The following HSD17B13 variants were observed in gnomAD, a reference collection of about 807,000 sequenced individuals.
The protein encoded by HSD17B13 is 17-beta-hydroxysteroid dehydrogenase 13.
Under a neutral mutation model 31.1 loss-of-function variants are expected in HSD17B13, and 26 were observed. That is an observed-to-expected ratio of 0.84 (90% CI 0.61 to 1.16). The LOEUF (loss-of-function observed/expected upper bound fraction) is 1.16. HSD17B13 is among the 50% of genes most tolerant of loss of function. HSD17B13 has a pLI of 0.00. For missense variants in HSD17B13, 374 were observed against 366.5 expected (o/e 1.02, Z -0.17); for synonymous variants, 141 against 133.7 (o/e 1.05, Z -0.38).
intron 6 of HSD17B13, among the ~76,000 whole-genome samples, chr4:87,306,905 T>C (rs1578435700): frequency 4.5e-5 from 2 of 44,286 alleles, no homozygotes; most frequent in Admixed American, 2.7e-4. Context: ...AGACCCAATC[T>C]AAAAAAAAAA....
chr4:87,319,174 T>C (rs1006670722), intron 1 of HSD17B13, among the ~76,000 whole-genome samples: 4 of 152,132 alleles, frequency 2.6e-5, no homozygotes, highest in Non-Finnish European at 5.9e-5. Flanking sequence ...AGAGTGGGAC[T>C]TCGTCTCAAA....
chr4:87,312,770 A>AT (rs1179259844), intron 5 of HSD17B13, among the ~76,000 whole-genome samples: 3 of 151,234 alleles, frequency 2.0e-5, no homozygotes, highest in Admixed American at 6.6e-5. Context: ...TTAAAAACTT[A>AT]TTTTTTTGGC....
At chr4:87,313,755 C>A in intron 5 of HSD17B13, 68 bp downstream of exon 5, 1 of 1,343,550 alleles carries the variant, frequency 7.4e-7, no homozygotes, top group Non-Finnish European at 1.0e-6. Context: ...CCTGCCTAAA[C>A]ATTTCTCATT....
rs181621569 is a variant in HSD17B13 at position 87,312,708 on chromosome 4, T to A, written c.695+1115A>T. 4.1e-3 allele frequency among the ~76,000 whole-genome samples: 617 copies of A among 151,558 alleles called. 4 individuals carry two copies. Among genetic ancestry groups the A allele is most frequent in the African/African-American group, 0.014 (581 of 41,418 alleles). Reference sequence around the variant, plus strand: ...CCACGCCCGGCTAATTTTTTTGTGTTTTTTAGTAGAGACGGGGTTTCACTG... The same window carrying A: ...CCACGCCCGGCTAATTTTTTTGTGTATTTTAGTAGAGACGGGGTTTCACTG... On this transcript the variant is annotated intron_variant, in intron 5 of 6. Transcript: ENST00000328546.
intron 3 of HSD17B13, among the ~76,000 whole-genome samples, chr4:87,316,817 C>A (rs115151963): frequency 1.3e-5 from 2 of 152,180 alleles, no homozygotes; most frequent in South Asian, 4.1e-4. Flanking sequence ...CCTCCACAAA[C>A]ATTTGTTGAG....
Position 87,321,836 on chromosome 4 carries a change from G to T in HSD17B13, c.210+796C>A, listed in dbSNP as rs1262840722. 3.3e-5 allele frequency among the ~76,000 whole-genome samples: 5 copies of T among 152,312 alleles called. No individual in the cohort carries two copies. In the East Asian group the frequency reaches 9.6e-4, roughly 29 times the overall value. On this transcript the variant is annotated intron_variant, in intron 1 of 6. Coordinates refer to ENST00000328546, the MANE Select transcript of HSD17B13 (RefSeq NM_178135.5). ...GTAATTAAAACCACTGTAATTTGCA[G>T]AAAATGTGATTCTCAAGGAGTACTT...
intron 6 of HSD17B13, among the ~76,000 whole-genome samples, chr4:87,308,720 C>A (rs1481008302): frequency 6.7e-6 from 1 of 149,870 alleles, no homozygotes; most frequent in Non-Finnish European, 1.5e-5. Flanking sequence ...ATAAATAAGA[C>A]ATTCTAAAGA....
At chr4:87,321,205 T>A (rs1734780068) in intron 1 of HSD17B13, among the ~76,000 whole-genome samples, 1 of 152,074 alleles carries the variant, frequency 6.6e-6, no homozygotes, top group African/African-American at 2.4e-5. Context: ...AATTTTTGTA[T>A]TTTTTGTAGA....
intron 6 of HSD17B13, among the ~76,000 whole-genome samples, chr4:87,306,226 CTCTTA>C (rs1734385792): frequency 6.6e-6 from 1 of 152,164 alleles, no homozygotes; most frequent in African/African-American, 2.4e-5. Flanking sequence ...TCTTCTCACT[CTCTTA>C]TCTGATATGA....
rs1177442371 is a variant in HSD17B13, at chr4:87,318,346, A to C, written c.301T>G (p.Tyr101Asp). ...VVDCSNREEI[Y>D]RSLNQVKKEV... Reference sequence around the variant, plus strand: ...AGTCTCACCTGATTTAGAGAGCGATAGATCTCTTCTCTGTTGCTGCAGTCT... The same window carrying C: ...AGTCTCACCTGATTTAGAGAGCGATCGATCTCTTCTCTGTTGCTGCAGTCT... The change falls in exon 2 of 7, where the codon TAT becomes GAT. Residue 101 changes from tyrosine to aspartate, a missense_variant. Transcript: ENST00000328546. The C allele has an allele frequency of 1.2e-6, 2 of 1,613,290 alleles. No homozygotes were observed. Among genetic ancestry groups the C allele is most frequent in the South Asian group, 2.2e-5 (2 of 91,062 alleles).
At chr4:87,318,519 G>T (rs1734710991) in intron 1 of HSD17B13, 83 bp from the exon 2 acceptor site, 1 of 1,140,990 alleles carries the variant, frequency 8.8e-7, no homozygotes, top group Non-Finnish European at 1.3e-6. Context: ...TTAACATTCG[G>T]CTAGGCGCGG....
At chr4:87,308,482 T>C (rs1174410868) in intron 6 of HSD17B13, among the ~76,000 whole-genome samples, 1 of 48,620 alleles carries the variant, frequency 2.1e-5, no homozygotes, top group Non-Finnish European at 4.1e-5. Context: ...ACCCCGTCTC[T>C]ACTAAAAAAA....
intron 5 of HSD17B13, among the ~76,000 whole-genome samples, chr4:87,311,832 G>C (rs562631593): frequency 5.9e-5 from 9 of 152,256 alleles, no homozygotes; most frequent in Non-Finnish European, 1.2e-4. Context: ...CAAGCCAACA[G>C]AGAGTAATAC....
At chr4:87,309,129 T>A (rs1734465812) in intron 6 of HSD17B13, among the ~76,000 whole-genome samples, 1 of 152,092 alleles carries the variant, frequency 6.6e-6, no homozygotes, top group South Asian at 2.1e-4. Flanking sequence ...ATGCCTGTAA[T>A]CCCAGCACTT....
Position 87,322,775 on chromosome 4 carries a change from C to A in HSD17B13, c.67G>T (p.Val23Leu). ...TIIYSYLESL[V>L]KFFIPQRRKS... ...CTCCTCTGAGGAATGAAAAACTTCA[C>A]CAACGACTCCAAGTAGGAGTAGATG... Residue 23 changes from valine to leucine, a missense_variant, in exon 1 of 7, where the codon GTG (valine) becomes TTG (leucine). Transcript: ENST00000328546. The A allele has an allele frequency of 1.2e-6, 2 of 1,614,140 alleles. No homozygotes were observed. Among genetic ancestry groups the A allele is most frequent in the Non-Finnish European group, 1.7e-6 (2 of 1,179,996 alleles).
intron 5 of HSD17B13, among the ~76,000 whole-genome samples, chr4:87,311,574 A>G (rs1463507921): frequency 6.6e-6 from 1 of 152,056 alleles, no homozygotes; most frequent in Non-Finnish European, 1.5e-5. Context: ...GTGTACATGT[A>G]CTCTTGAGAA....
At chr4:87,320,934 G>A (rs1387331561) in intron 1 of HSD17B13, among the ~76,000 whole-genome samples, 1 of 152,160 alleles carries the variant, frequency 6.6e-6, no homozygotes, top group Non-Finnish European at 1.5e-5. Context: ...TTACATTACA[G>A]CCTTAGAGTG....
At chr4:87,316,584 G>C (rs1227087476) in intron 3 of HSD17B13, among the ~76,000 whole-genome samples, 1 of 152,186 alleles carries the variant, frequency 6.6e-6, no homozygotes, top group African/African-American at 2.4e-5. Context: ...CTGTATAGCT[G>C]CATTTCTCAG....
intron 6 of HSD17B13, among the ~76,000 whole-genome samples, chr4:87,308,932 C>CAAA (rs57491954): frequency 1.3e-4 from 16 of 127,038 alleles, no homozygotes; most frequent in African/African-American, 2.1e-4. Context: ...AGGAATCTAC[C>CAAA]AAAAAAAAAA....
Sources: allele counts gnomAD v4.1 joint callset (sites outside exome capture counted in the v4.1 genomes callset), GRCh38; gene constraint gnomAD v4.1.1; transcripts MANE v1.5; gene names NCBI Gene and HGNC (gene_info 2026-07-23, HGNC 2026-07-21).